The following MCPH1 variants were observed in gnomAD, a reference collection of about 807,000 sequenced individuals.
MCPH1 encodes microcephalin.
A neutral mutation model predicts 84.5 loss-of-function variants in MCPH1; 104 were observed. That is an observed-to-expected ratio of 1.23 (90% confidence interval 1.05 to 1.45). The LOEUF is 1.45. MCPH1 is among the 40% of genes most tolerant of loss of function. The pLI is 0.00. For synonymous variants in MCPH1, 514 were observed against 366.8 expected, an observed-to-expected ratio of 1.40 and a Z score of -4.58; for missense variants, 1,498 against 1,005.7, an observed-to-expected ratio of 1.49 and a Z score of -6.62.
In MCPH1 at chr8:6,509,687, G is replaced by C. The variant is rs77729958; in HGVS notation, c.2214+9758G>C. Among the ~76,000 whole-genome samples the C allele has an allele frequency of 9.1e-3, 1,385 of 152,272 alleles. 20 individuals carry two copies. Among genetic ancestry groups the C allele is most frequent in the African/African-American group, 0.031 (1,302 of 41,554 alleles). ...CAGACGATCCCTGACTTCCCATGGG[G>C]CTATGTTCTGATAAGCCCATTTTCT... On this transcript the variant is annotated intron_variant, in intron 12 of 13. Transcript: ENST00000344683.
chr8:6,519,923 C>T (rs772416353), intron 12 of MCPH1: 10 of 1,613,768 alleles, frequency 6.2e-6, no homozygotes, highest in Non-Finnish European at 8.5e-6. Context: ...GTGGTGTGTC[C>T]TGATTTGAAT....
chr8:6,625,579 A>G, intron 13 of MCPH1: 1 of 985,086 alleles, frequency 1.0e-6, no homozygotes, highest in Non-Finnish European at 1.2e-6. Flanking sequence ...AAAAAAATCA[A>G]TTAAATTTAT....
intron 8 of MCPH1, among the ~76,000 whole-genome samples, chr8:6,454,717 C>G (rs534547627): frequency 3.9e-4 from 59 of 152,306 alleles, no homozygotes; most frequent in African/African-American, 1.4e-3. Context: ...AAGCTCTGTA[C>G]TGAAGACTAT....
intron 3 of MCPH1, among the ~76,000 whole-genome samples, chr8:6,420,642 G>A (rs963063248): frequency 4.0e-5 from 6 of 151,710 alleles, no homozygotes; most frequent in Non-Finnish European, 7.4e-5. Context: ...TCTCAAAATC[G>A]ATCTCTCATA....
intron 12 of MCPH1, among the ~76,000 whole-genome samples, chr8:6,581,752 G>T (rs1172153655): frequency 6.6e-6 from 1 of 152,066 alleles, no homozygotes; most frequent in Non-Finnish European, 1.5e-5. Flanking sequence ...CATTCAAACT[G>T]GGTGTCTTAT....
intron 12 of MCPH1, among the ~76,000 whole-genome samples, chr8:6,536,869 A>T (rs1351070788): frequency 1.3e-5 from 2 of 150,854 alleles, no homozygotes; most frequent in Non-Finnish European, 3.0e-5. Context: ...CTTTCTGTTT[A>T]GTGTCTCTCT....
intron 3 of MCPH1, among the ~76,000 whole-genome samples, chr8:6,421,031 C>G (rs1163450841): frequency 6.6e-6 from 1 of 152,198 alleles, no homozygotes; most frequent in Admixed American, 6.5e-5. Flanking sequence ...GATTTGTAGG[C>G]TCGCCCTTTT....
intron 13 of MCPH1, among the ~76,000 whole-genome samples, chr8:6,640,747 C>A (rs1053535833): frequency 2.0e-5 from 3 of 152,180 alleles, no homozygotes; most frequent in Admixed American, 6.5e-5. Context: ...CTTAGAAAGG[C>A]CTTCCTCACC....
intron 3 of MCPH1, among the ~76,000 whole-genome samples, chr8:6,426,164 C>T (rs896741441): frequency 9.2e-5 from 14 of 152,118 alleles, no homozygotes; most frequent in Admixed American, 9.2e-4. Flanking sequence ...ATTGCAGGCT[C>T]AGATAGTTGG....
chr8:6,540,544 C>T (rs1308833930), intron 12 of MCPH1, among the ~76,000 whole-genome samples: 1 of 152,216 alleles, frequency 6.6e-6, no homozygotes, highest in Non-Finnish European at 1.5e-5. Context: ...CTGACACTTG[C>T]ACAGATTCCT....
intron 10 of MCPH1, among the ~76,000 whole-genome samples, chr8:6,479,680 T>G (rs1808943145): frequency 2.0e-5 from 3 of 152,078 alleles, no homozygotes; most frequent in African/African-American, 7.2e-5. Flanking sequence ...AGCCCTCCAT[T>G]GGGGATTTTT....
Position 6,445,515 on chromosome 8 carries a change from A to AGAAG in MCPH1, c.1797_1800dup (p.Asn601GlyfsTer12). 6.2e-7 allele frequency: 1 copy of AGAAG among 1,608,068 alleles called. No homozygotes were observed. Among genetic ancestry groups the AGAAG allele is most frequent in the South Asian group, 1.1e-5 (1 of 89,616 alleles). ...TGTAACATGGAGACGTCTACAGAAGAGAAGGAAAACTTACCCGGAGGATAC... is the reference window on the plus strand; with the variant it reads ...TGTAACATGGAGACGTCTACAGAAGAGAAGGAAGGAAAACTTACCCGGAGGATAC... On this transcript the variant is annotated frameshift_variant, in exon 8 of 14. Coordinates refer to ENST00000344683, the MANE Select transcript of MCPH1 (RefSeq NM_024596.5). LOFTEE classifies it high-confidence loss of function.
intron 12 of MCPH1, among the ~76,000 whole-genome samples, chr8:6,531,408 C>G (rs760499016): frequency 2.6e-4 from 40 of 151,930 alleles, no homozygotes; most frequent in Non-Finnish European, 3.8e-4. Flanking sequence ...CCTGCCTCAG[C>G]CTCCCAAGTA....
At chr8:6,421,663 A>T (rs147966721) in intron 3 of MCPH1, among the ~76,000 whole-genome samples, 1 of 152,214 alleles carries the variant, frequency 6.6e-6, no homozygotes, top group African/African-American at 2.4e-5. Context: ...CGATGTAGTC[A>T]GTGGCTGCCT....
chr8:6,509,099 G>T (rs1244153917), intron 12 of MCPH1: 1 of 1,598,436 alleles, frequency 6.3e-7, no homozygotes, highest in Non-Finnish European at 8.5e-7. Flanking sequence ...CATTGGCTAG[G>T]GTCATTGATT....
intron 13 of MCPH1, chr8:6,622,022 C>T (rs1831481769): frequency 2.5e-6 from 1 of 403,740 alleles, no homozygotes; most frequent in Non-Finnish European, 4.9e-6. Flanking sequence ...CTCTTAGACC[C>T]TCCCTCCCCA....
chr8:6,513,254 T>C (rs1815535349), intron 12 of MCPH1, among the ~76,000 whole-genome samples: 1 of 152,182 alleles, frequency 6.6e-6, no homozygotes, highest in Non-Finnish European at 1.5e-5. Flanking sequence ...ATAGTTTAGA[T>C]CTTGGTTAAA....
intron 12 of MCPH1, among the ~76,000 whole-genome samples, chr8:6,580,180 G>A (rs565461075): frequency 5.3e-5 from 8 of 152,198 alleles, no homozygotes; most frequent in African/African-American, 1.7e-4. Flanking sequence ...CTGGGGAATG[G>A]TCTGAGCATA....
intron 11 of MCPH1, among the ~76,000 whole-genome samples, chr8:6,497,242 A>T (rs866893148): frequency 2.0e-5 from 3 of 152,056 alleles, no homozygotes; most frequent in Middle Eastern, 3.4e-3. Context: ...ACACGTTGAG[A>T]GGCCGAAGCA....
Sources: allele counts gnomAD v4.1 joint callset (sites outside exome capture counted in the v4.1 genomes callset), GRCh38; gene constraint gnomAD v4.1.1; transcripts MANE v1.5; gene names NCBI Gene and HGNC (gene_info 2026-07-23, HGNC 2026-07-21).